GRID2: variants seen among roughly 807,000 people sequenced by gnomAD.
GRID2 encodes the protein glutamate ionotropic receptor delta type subunit 2, also known as glutamate receptor ionotropic, delta-2.
A neutral mutation model predicts 114.8 loss-of-function variants in GRID2; 33 were observed. The ratio of observed to expected loss-of-function variants is 0.29; its 90% CI spans 0.22 to 0.38. GRID2 has a LOEUF of 0.38. GRID2 is among the 10% of genes least tolerant of loss of function. The pLI is 1.00. For missense variants in GRID2, 1,184 were observed against 1,257.7 expected, an observed-to-expected ratio of 0.94 and a Z score of 0.89; for synonymous variants, 505 against 449.9, an observed-to-expected ratio of 1.12 and a Z score of -1.55.
intron 2 of GRID2, among the ~76,000 whole-genome samples, chr4:92,832,587 T>C (rs1173069266): frequency 6.6e-6 from 1 of 151,872 alleles, no homozygotes; most frequent in African/African-American, 2.4e-5. Context: ...AGAGACGGGG[T>C]TTCACCATGT....
intron 1 of GRID2, among the ~76,000 whole-genome samples, chr4:92,515,388 AAATT>A (rs1277196636): frequency 6.6e-6 from 1 of 151,944 alleles, no homozygotes; most frequent in Non-Finnish European, 1.5e-5. Flanking sequence ...AAAAGACAAT[AAATT>A]ATTTCCATTG....
At chr4:93,384,718 C>G (rs1324937421) in intron 8 of GRID2, among the ~76,000 whole-genome samples, 2 of 152,124 alleles carry the variant, frequency 1.3e-5, no homozygotes, top group Non-Finnish European at 2.9e-5. Flanking sequence ...TTATTATCCA[C>G]TAGATTGTTT....
At chr4:93,300,467 A>C (rs1754744968) in intron 8 of GRID2, among the ~76,000 whole-genome samples, 1 of 152,192 alleles carries the variant, frequency 6.6e-6, no homozygotes, top group African/African-American at 2.4e-5. Context: ...TGCAGTGTCC[A>C]CCAGTAAAGT....
intron 2 of GRID2, among the ~76,000 whole-genome samples, chr4:92,973,378 G>T (rs974484424): frequency 6.6e-6 from 1 of 152,162 alleles, no homozygotes; most frequent in East Asian, 1.9e-4. Context: ...CAGAGAAATA[G>T]TTACAATAGG....
At chr4:93,106,210 A>G (rs547800436) in intron 3 of GRID2, among the ~76,000 whole-genome samples, 1 of 152,322 alleles carries the variant, frequency 6.6e-6, no homozygotes, top group South Asian at 2.1e-4. Flanking sequence ...GTCAGGAACC[A>G]TATATTCTTT....
intron 2 of GRID2, among the ~76,000 whole-genome samples, chr4:93,044,731 A>G (rs887873044): frequency 2.0e-5 from 3 of 152,154 alleles, no homozygotes; most frequent in Admixed American, 6.6e-5. Flanking sequence ...AATGTATTCA[A>G]GTAATAATCA....
chr4:93,108,711 A>C (rs577829112), intron 3 of GRID2, among the ~76,000 whole-genome samples: 1 of 150,732 alleles, frequency 6.6e-6, no homozygotes, highest in South Asian at 2.1e-4. Context: ...GTTCACTGCA[A>C]CCTCCACCTC....
chr4:93,695,837 A>G (rs139863900), intron 14 of GRID2, among the ~76,000 whole-genome samples: 7 of 152,324 alleles, frequency 4.6e-5, no homozygotes, highest in Admixed American at 1.3e-4. Flanking sequence ...TGAAAAGACA[A>G]TGCTATCTTC....
intron 2 of GRID2, among the ~76,000 whole-genome samples, chr4:92,729,833 C>T (rs897495970): frequency 4.0e-5 from 6 of 150,714 alleles, no homozygotes; most frequent in East Asian, 2.0e-4. Flanking sequence ...AAAAAAAAAT[C>T]CTCTTTATAG....
At chr4:92,449,687 A>ATATATG (rs889610215) in intron 1 of GRID2, among the ~76,000 whole-genome samples, 2 of 129,872 alleles carry the variant, frequency 1.5e-5, no homozygotes, top group Non-Finnish European at 3.4e-5. Context: ...ATATATATAT[A>ATATATG]TATATATATA....
At chr4:92,594,616 C>T (rs146346332) in intron 2 of GRID2, among the ~76,000 whole-genome samples, 2 of 151,940 alleles carry the variant, frequency 1.3e-5, no homozygotes, top group African/African-American at 4.8e-5. Context: ...GTTCTGCCAC[C>T]TCATTCAACT....
At position 93,075,883 on chromosome 4, in the gene GRID2, C is replaced by CTTTTT. The variant is rs10706922; in HGVS notation, c.245-9078_245-9074dup. Among the ~76,000 whole-genome samples the CTTTTT allele has an allele frequency of 9.1e-4, 70 of 76,604 alleles. 10 individuals carry two copies. The highest frequency in any genetic ancestry group is 1.4e-3 in the Admixed American group (10 of 7,184). 50.3% of individuals were successfully genotyped at this position (76,604 alleles called of 152,430 possible). A position where few individuals can be genotyped will look rare whatever the true frequency, so the allele number is the denominator to read the frequency against. On this transcript the variant is annotated intron_variant, in intron 2 of 15. Coordinates refer to ENST00000282020, the MANE Select transcript of GRID2 (RefSeq NM_001510.4). ...GTATTGGGATGTCGAAGTTACCTCT[C>CTTTTT]TTTTTTTTTTTTTTTTTTTTTTTTT... is the stretch of plus-strand genomic sequence containing the variant.
chr4:92,578,124 T>C (rs1246640088), intron 1 of GRID2, among the ~76,000 whole-genome samples: 2 of 119,082 alleles, frequency 1.7e-5, no homozygotes, highest in East Asian at 2.5e-4. Context: ...TTTTTCTTAT[T>C]ATTATTATTA....
chr4:92,697,843 A>G (rs1444328285), intron 2 of GRID2, among the ~76,000 whole-genome samples: 1 of 152,148 alleles, frequency 6.6e-6, no homozygotes, highest in East Asian at 1.9e-4. Flanking sequence ...TTGAAACAAA[A>G]CCATCAATGG....
At chr4:93,149,107 G>A (rs573931837) in intron 4 of GRID2, among the ~76,000 whole-genome samples, 19 of 152,192 alleles carry the variant, frequency 1.2e-4, no homozygotes, top group African/African-American at 4.3e-4. Context: ...TGACCCCTCA[G>A]CAGCAGATCC....
intron 8 of GRID2, among the ~76,000 whole-genome samples, chr4:93,250,737 TATA>T (rs1276376752): frequency 1.4e-5 from 2 of 147,266 alleles, no homozygotes; most frequent in African/African-American, 4.9e-5. Flanking sequence ...TGTGCATATA[TATA>T]ATGTTATATA....
At chr4:93,192,871 G>A (rs1741124544) in intron 4 of GRID2, among the ~76,000 whole-genome samples, 1 of 151,990 alleles carries the variant, frequency 6.6e-6, no homozygotes, top group South Asian at 2.1e-4. Flanking sequence ...CCGAACTAAG[G>A]TATTGCCTGC....
intron 4 of GRID2, chr4:93,164,706 G>GC: frequency 2.3e-6 from 1 of 435,902 alleles, no homozygotes; most frequent in South Asian, 1.6e-5. Context: ...GACAAAATAT[G>GC]CTTAATTTTT....
intron 8 of GRID2, among the ~76,000 whole-genome samples, chr4:93,329,029 G>T (rs959876080): frequency 2.0e-5 from 3 of 151,984 alleles, no homozygotes; most frequent in Admixed American, 1.3e-4. Flanking sequence ...CAATCAATTT[G>T]ACTTATTTAA....
Sources: allele counts gnomAD v4.1 joint callset (sites outside exome capture counted in the v4.1 genomes callset), GRCh38; gene constraint gnomAD v4.1.1; transcripts MANE v1.5; gene names NCBI Gene and HGNC (gene_info 2026-07-23, HGNC 2026-07-21).